Variants in TSC22D1 observed in about 807,000 individuals in gnomAD.
TSC22D1 encodes the protein TSC22 domain family member 1.
A neutral mutation model predicts 74.2 loss-of-function variants in TSC22D1; 9 were observed. The ratio of observed to expected loss-of-function variants is 0.12; its 90% CI spans 0.07 to 0.21. The LOEUF is 0.21. Ranked by LOEUF, TSC22D1 falls within the 10% of genes least tolerant of loss-of-function variation. TSC22D1 has a pLI of 1.00. For synonymous variants in TSC22D1, 586 were observed against 492.5 expected (o/e 1.19, Z -2.51); for missense variants, 1,427 against 1,304.7 (o/e 1.09, Z -1.44).
chr13:44,456,092 G>A (rs1051649743), intron 1 of TSC22D1, among the ~76,000 whole-genome samples: 1 of 152,168 alleles, frequency 6.6e-6, no homozygotes, highest in Non-Finnish European at 1.5e-5. Flanking sequence ...CTTCCCGTGG[G>A]TTGTTGGTCT....
intron 1 of TSC22D1, among the ~76,000 whole-genome samples, chr13:44,450,930 G>A (rs1876078580): frequency 6.6e-6 from 1 of 152,212 alleles, no homozygotes; most frequent in South Asian, 2.1e-4. Flanking sequence ...GTTTGGCATA[G>A]CAAAGACACC....
chr13:44,541,495 CAA>C (rs1242416183), intron 1 of TSC22D1, among the ~76,000 whole-genome samples: 1 of 152,078 alleles, frequency 6.6e-6, no homozygotes, highest in Admixed American at 6.5e-5. Flanking sequence ...TGCCATCTAA[CAA>C]GAGGTATCAA....
At chr13:44,462,424 G>GA (rs1877048249) in intron 1 of TSC22D1, among the ~76,000 whole-genome samples, 1 of 152,100 alleles carries the variant, frequency 6.6e-6, no homozygotes, top group African/African-American at 2.4e-5. Context: ...TTCAACAAAA[G>GA]AAAGAAGTAC....
rs376160674 is a variant in TSC22D1 at position 44,573,763 on chromosome 13, C to T, written c.2312G>A (p.Gly771Glu). 7.7e-5 allele frequency: 124 copies of T among 1,614,186 alleles called. No individual in the cohort carries two copies. Among genetic ancestry groups the T allele is most frequent in the Admixed American group, 6.5e-4 (39 of 60,030 alleles). ...SSQVVPPAQT[G>E]IIHQGVQTSA... ...AGTTTGAACTCCCTGATGAATAATC[C>T]CAGTTTGAGCAGGTGGAACCACTTG... Residue 771 changes from glycine (G) to glutamate (E), a missense_variant, in exon 1 of 3, where the codon GGG becomes GAG. Physicochemically the swap from Gly to Glu is moderately conservative, Grantham distance 98 (BLOSUM62 -2). Around this residue, in one of 3 missense-constraint regions of TSC22D1, gnomAD observed 1,343 missense variants for 1,191.5 expected, o/e 1.13. Transcript: ENST00000458659.
chr13:44,493,638 C>T (rs1878823689), intron 1 of TSC22D1, among the ~76,000 whole-genome samples: 1 of 152,112 alleles, frequency 6.6e-6, no homozygotes, highest in Admixed American at 6.5e-5. Flanking sequence ...CAGAAAAGAC[C>T]TGAGAAGACC....
intron 1 of TSC22D1, among the ~76,000 whole-genome samples, chr13:44,443,023 GAAAA>G (rs766837610): frequency 7.9e-6 from 1 of 127,036 alleles, no homozygotes; most frequent in Non-Finnish European, 1.7e-5. Context: ...TGAAGTCCCT[GAAAA>G]AAAAAAAAAA....
chr13:44,526,363 T>TA (rs997695745), intron 1 of TSC22D1, among the ~76,000 whole-genome samples: 28 of 138,262 alleles, frequency 2.0e-4, no homozygotes, highest in South Asian at 4.5e-4. Flanking sequence ...ATGCCAGAAA[T>TA]AAAAAAAAAC....
At chr13:44,548,979 AAAT>A (rs1335708792) in intron 1 of TSC22D1, among the ~76,000 whole-genome samples, 5 of 152,194 alleles carry the variant, frequency 3.3e-5, no homozygotes, top group African/African-American at 7.2e-5. Context: ...AGCATGATTA[AAAT>A]AATAATCTGA....
intron 1 of TSC22D1, chr13:44,436,296 C>A: frequency 1.1e-6 from 1 of 900,562 alleles, no homozygotes; most frequent in East Asian, 2.6e-5. Context: ...TTTAGTAAGC[C>A]ACAAAGGACT....
intron 1 of TSC22D1, among the ~76,000 whole-genome samples, chr13:44,448,600 C>T (rs1001378244): frequency 3.9e-5 from 6 of 152,094 alleles, no homozygotes; most frequent in African/African-American, 1.4e-4. Context: ...ATAATAAATA[C>T]CTCTGCTTCG....
chr13:44,511,154 G>A (rs908297669), intron 1 of TSC22D1, among the ~76,000 whole-genome samples: 6 of 151,932 alleles, frequency 3.9e-5, no homozygotes, highest in Admixed American at 2.6e-4. Context: ...ATGGTGGTGC[G>A]CACCTGTAAT....
chr13:44,576,564 G>GT (rs1884268600), upstream of TSC22D1: 1 of 153,898 alleles, frequency 6.5e-6, no homozygotes, highest in Non-Finnish European at 1.4e-5. Context: ...CGCCACCCCC[G>GT]GGGCCGCCGC....
chr13:44,567,503 GAAA>G (rs140699188), intron 1 of TSC22D1, among the ~76,000 whole-genome samples: 5 of 142,408 alleles, frequency 3.5e-5, no homozygotes, highest in African/African-American at 1.3e-4. Context: ...CACATAGAAA[GAAA>G]AAAAAAACTT....
chr13:44,539,278 T>A (rs1881325142), intron 1 of TSC22D1: 1 of 985,374 alleles, frequency 1.0e-6, no homozygotes, highest in Non-Finnish European at 1.2e-6. Flanking sequence ...TATCATTGCA[T>A]CTTTTAAAAG....
intron 1 of TSC22D1, among the ~76,000 whole-genome samples, chr13:44,450,452 G>A (rs1299232632): frequency 2.6e-5 from 4 of 152,214 alleles, no homozygotes; most frequent in Middle Eastern, 3.2e-3. Context: ...TTTTGGCAAG[G>A]TCACTCTGAC....
intron 1 of TSC22D1, among the ~76,000 whole-genome samples, chr13:44,567,284 A>G (rs1450228816): frequency 1.3e-5 from 2 of 152,192 alleles, no homozygotes; most frequent in Non-Finnish European, 2.9e-5. Context: ...ACAAGAAGAA[A>G]CCGACACTAG....
At chr13:44,500,917 C>T (rs1007394175) in intron 1 of TSC22D1, among the ~76,000 whole-genome samples, 17 of 152,142 alleles carry the variant, frequency 1.1e-4, no homozygotes, top group Non-Finnish European at 2.4e-4. Flanking sequence ...AACTCCTGGC[C>T]TCCAGCGATC....
chr13:44,473,473 C>T (rs546658725), intron 1 of TSC22D1, among the ~76,000 whole-genome samples: 84 of 151,806 alleles, frequency 5.5e-4, no homozygotes, highest in Non-Finnish European at 1.0e-3. Flanking sequence ...CCAGCCTGGG[C>T]GACAGAGCAA....
Position 44,434,178 on chromosome 13 carries a change from T to A in TSC22D1, c.*448A>T. On this transcript the variant is annotated 3_prime_UTR_variant, in exon 3 of 3. Transcript: ENST00000458659. The stretch of plus-strand genomic sequence containing the variant: ...CCCCCTCATTTTAGTCTTTTTACCC[T>A]CCTTTCAAGTTCCTCCTGGGGGGAG... The A allele has an allele frequency of 6.8e-7, 1 of 1,468,934 alleles. No individual in the cohort carries two copies. The highest frequency in any genetic ancestry group is 8.9e-7 in the Non-Finnish European group (1 of 1,124,802). 91.0% of individuals were successfully genotyped at this position (1,468,934 alleles called of 1,614,324 possible). A position where few individuals can be genotyped will look rare whatever the true frequency, so the allele number is the denominator to read the frequency against.
Sources: allele counts gnomAD v4.1 joint callset (sites outside exome capture counted in the v4.1 genomes callset), GRCh38; gene constraint gnomAD v4.1.1; regional missense constraint gnomAD v4.1.1; transcripts MANE v1.5; gene names NCBI Gene and HGNC (gene_info 2026-07-23, HGNC 2026-07-21).